The following TMEM154 variants were observed in gnomAD, a reference collection of about 807,000 sequenced individuals.
The protein encoded by TMEM154 is transmembrane protein 154.
A neutral mutation model predicts 24.5 loss-of-function variants in TMEM154; 27 were observed. The ratio of observed to expected loss-of-function variants is 1.10; its 90% CI spans 0.81 to 1.52. TMEM154 has a LOEUF of 1.52. Among genes scored for constraint, TMEM154 ranks in the 40% most tolerant of loss-of-function variants. TMEM154 has a pLI of 0.00. For missense variants in TMEM154, 228 were observed against 213.4 expected, an observed-to-expected ratio of 1.07 and a Z score of -0.43; for synonymous variants, 67 against 76.8, an observed-to-expected ratio of 0.87 and a Z score of 0.67.
chr4:152,648,274 G>T (rs1728305527), intron 3 of TMEM154, among the ~76,000 whole-genome samples: 1 of 152,164 alleles, frequency 6.6e-6, no homozygotes, highest in Non-Finnish European at 1.5e-5. Flanking sequence ...CTTGAGCCTA[G>T]GAGTTTGAGA....
At chr4:152,668,948 C>G (rs1210208730) in intron 1 of TMEM154, 2 of 152,228 alleles carry the variant, frequency 1.3e-5, no homozygotes, top group East Asian at 3.8e-4. Context: ...ATTTCACCTT[C>G]AAAGAGAATC....
intron 6 of TMEM154, among the ~76,000 whole-genome samples, chr4:152,633,222 C>G (rs1023634273): frequency 1.4e-4 from 22 of 152,204 alleles, no homozygotes; most frequent in African/African-American, 5.3e-4. Context: ...CCCACTGCCA[C>G]AGCTCTGTGG....
rs1251094736 is a variant in TMEM154, at chr4:152,624,798, A to G, written c.*3748T>C. The G allele has an allele frequency of 6.6e-6, 1 of 151,926 alleles. No homozygotes were observed. Among genetic ancestry groups the G allele is most frequent in the African/African-American group, 2.4e-5 (1 of 41,350 alleles). 9.4% of individuals were successfully genotyped at this position (151,926 alleles called of 1,614,324 possible). On this transcript the variant is annotated 3_prime_UTR_variant, in exon 7 of 7. Coordinates refer to ENST00000304385, the MANE Select transcript of TMEM154 (RefSeq NM_152680.3). ...TTCCACTAGACACTAATATACAGGA[A>G]CTCTTTTGGTCATTGTCACATAGCA...
At chr4:152,640,110 C>G (rs1272430830) in intron 6 of TMEM154, among the ~76,000 whole-genome samples, 2 of 152,216 alleles carry the variant, frequency 1.3e-5, no homozygotes, top group Non-Finnish European at 2.9e-5. Context: ...CACCAGACTT[C>G]TGGTGAACAT....
chr4:152,637,328 C>T (rs549335025), intron 6 of TMEM154, among the ~76,000 whole-genome samples: 51 of 152,170 alleles, frequency 3.4e-4, no homozygotes, highest in African/African-American at 1.2e-3. Context: ...GATGGATCAC[C>T]TGAGGTCAGG....
chr4:152,642,793 A>T (rs1011944424), intron 5 of TMEM154, among the ~76,000 whole-genome samples: 17 of 152,244 alleles, frequency 1.1e-4, no homozygotes, highest in African/African-American at 4.1e-4. Flanking sequence ...GTAATGCCAG[A>T]TGCTAACTTT....
chr4:152,673,417 T>A (rs1280938813), intron 1 of TMEM154, among the ~76,000 whole-genome samples: 1 of 152,122 alleles, frequency 6.6e-6, no homozygotes, highest in East Asian at 1.9e-4. Flanking sequence ...TCTCCTGCCT[T>A]AGCCTCCCGA....
At chr4:152,669,421 A>C (rs1484427553) in intron 1 of TMEM154, 1 of 152,228 alleles carries the variant, frequency 6.6e-6, no homozygotes, top group African/African-American at 2.4e-5. Context: ...TCAGATAAAC[A>C]ATGAAACATT....
rs145269921 is a variant in TMEM154, at chr4:152,633,845, G to A, written c.537-5284C>T. On this transcript the variant is annotated intron_variant, in intron 6 of 6. Transcript: ENST00000304385. ...AAAAATTAGCTGGGCATGGTGGCTC[G>A]TGTCAGTAGTCCCAGCTATTAAAAG... is the stretch of plus-strand genomic sequence containing the variant. 3.0e-3 allele frequency among the ~76,000 whole-genome samples: 461 copies of A among 151,958 alleles called. 2 individuals are homozygous for A. Among genetic ancestry groups the A allele is most frequent in the Non-Finnish European group, 4.2e-3 (288 of 67,948 alleles).
rs570066216 is a variant in TMEM154 at position 152,661,638 on chromosome 4, T to C, written c.65-8711A>G. 7.2e-5 allele frequency among the ~76,000 whole-genome samples: 11 copies of C among 152,330 alleles called. No homozygotes were observed. The South Asian group carries it at 1.9e-3, about 26-fold the overall frequency. On this transcript the variant is annotated intron_variant, in intron 1 of 6. Transcript: ENST00000304385. ...TCATAGCTCTGCCACTTTGTACTTA[T>C]AGAATTTGGACAAATTACTTTTCTC...
At chr4:152,641,259 C>A in intron 5 of TMEM154, 1 of 372,942 alleles carries the variant, frequency 2.7e-6, no homozygotes, top group Non-Finnish European at 4.8e-6. Context: ...CCTGCAGCAC[C>A]CCAGTGCTCC....
intron 1 of TMEM154, among the ~76,000 whole-genome samples, chr4:152,670,893 G>A (rs1301608017): frequency 4.6e-5 from 7 of 152,192 alleles, no homozygotes; most frequent in Non-Finnish European, 1.0e-4. Context: ...GCAGGTGAAT[G>A]AGACCAGCTT....
At chr4:152,671,106 T>C (rs1373629405) in intron 1 of TMEM154, among the ~76,000 whole-genome samples, 4 of 151,148 alleles carry the variant, frequency 2.6e-5, no homozygotes, top group Non-Finnish European at 4.4e-5. Context: ...ACCTTGGGAG[T>C]TCTTCAAGCA....
rs1554013049 is a variant in TMEM154, at chr4:152,661,341, T to TCTCTCTCTCTCTCC, written c.65-8415_65-8414insGGAGAGAGAGAGAG. 4.6e-5 allele frequency among the ~76,000 whole-genome samples: 5 copies of TCTCTCTCTCTCTCC among 109,232 alleles called. 1 individual carries two copies. The highest frequency in any genetic ancestry group is 1.7e-4 in the African/African-American group (5 of 28,978). The allele number at this position is 109,232 out of a possible 152,430, so 71.7% of individuals were successfully genotyped here. On this transcript the variant is annotated intron_variant, in intron 1 of 6. Transcript: ENST00000304385. Reference sequence around the variant, plus strand: ...CTCTCTCTCTCTCTCTCTCTCTCTCTCCCCCCAACTCTATGATAGCTTCAA... The same window carrying TCTCTCTCTCTCTCC: ...CTCTCTCTCTCTCTCTCTCTCTCTCTCTCTCTCTCTCTCCCCCCCCAACTCTATGATAGCTTCAA...
intron 6 of TMEM154, 39 bp from the exon 7 acceptor site, chr4:152,628,600 A>AAAAAAAAC (rs1561042688): frequency 4.4e-5 from 44 of 989,746 alleles, no homozygotes; most frequent in Middle Eastern, 6.7e-4. Flanking sequence ...AAACAAAAAA[A>AAAAAAAAC]ACACACACAC....
At chr4:152,663,227 C>T (rs1355805628) in intron 1 of TMEM154, among the ~76,000 whole-genome samples, 2 of 152,204 alleles carry the variant, frequency 1.3e-5, no homozygotes, top group African/African-American at 2.4e-5. Flanking sequence ...TTGCCTGTTT[C>T]TCTGCTGTTC....
At chr4:152,639,085 G>A (rs1752203434) in intron 6 of TMEM154, among the ~76,000 whole-genome samples, 1 of 152,078 alleles carries the variant, frequency 6.6e-6, no homozygotes, top group Admixed American at 6.5e-5. Flanking sequence ...CAAGTAGCTG[G>A]GATTACAGGT....
chr4:152,677,592 C>G (rs1728975199), intron 1 of TMEM154, among the ~76,000 whole-genome samples: 1 of 152,186 alleles, frequency 6.6e-6, no homozygotes, highest in Non-Finnish European at 1.5e-5. Context: ...ATCTCAAAGT[C>G]ATAGCTTTTA....
chr4:152,670,504 G>A (rs1728815585), intron 1 of TMEM154, among the ~76,000 whole-genome samples: 1 of 152,192 alleles, frequency 6.6e-6, no homozygotes, highest in Non-Finnish European at 1.5e-5. Flanking sequence ...GCTGAGGCAG[G>A]AGAATCGCTT....
Sources: gnomAD v4.1 joint callset for allele counts (sites outside exome capture counted in the v4.1 genomes callset) on GRCh38, gnomAD v4.1.1 for gene constraint, MANE v1.5 for transcripts, NCBI Gene and HGNC (gene_info 2026-07-23, HGNC 2026-07-21) for gene names.